Variants in IQCH observed in about 807,000 individuals in gnomAD.
IQCH encodes the protein IQ domain-containing protein H.
A neutral mutation model predicts 117.0 loss-of-function variants in IQCH; 98 were observed. That is an observed-to-expected ratio of 0.84 (90% CI 0.71 to 0.99). The LOEUF (loss-of-function observed/expected upper bound fraction) is 0.99. Ranked by LOEUF, IQCH falls within the 50% of genes least tolerant of loss-of-function variation. The pLI is 0.00. For synonymous variants in IQCH, 412 were observed against 448.2 expected (o/e 0.92, Z 1.02); for missense variants, 1,102 against 1,243.8 (o/e 0.89, Z 1.72).
Position 67,416,945 on chromosome 15 carries a change from G to C in IQCH, c.2112G>C (p.Val704=). ...RKKWAQEPAL[V]KISEELAGIL... ...TGTTTCTGCAGGAGCCAGCTTTGGT[G>C]AAGATCTCTGAGGAGCTGGCGGGCA... Residue 704 remains valine, a synonymous_variant, in exon 15 of 21, where the codon GTG becomes GTC. Coordinates refer to ENST00000335894, the MANE Select transcript of IQCH (RefSeq NM_001031715.3). The surrounding 1 kb of genome is among the most constrained non-coding windows in gnomAD (Gnocchi z 5.1). 1 of 1,599,890 alleles carries C rather than the reference G, an allele frequency of 6.3e-7. No homozygotes were observed. The highest frequency in any genetic ancestry group is 8.5e-7 in the Non-Finnish European group (1 of 1,173,970).
At chr15:67,402,830 G>A (rs1445153097) in intron 14 of IQCH, among the ~76,000 whole-genome samples, 2 of 152,212 alleles carry the variant, frequency 1.3e-5, no homozygotes, top group Non-Finnish European at 2.9e-5. Context: ...TTGGTATGTT[G>A]TAGGCAACAG....
intron 4 of IQCH, among the ~76,000 whole-genome samples, chr15:67,318,831 T>C (rs1967976040): frequency 6.6e-6 from 1 of 152,208 alleles, no homozygotes; most frequent in Non-Finnish European, 1.5e-5. Context: ...ACTTGGCTAA[T>C]GATTTAGGGG....
rs1596202625 is a variant in IQCH at position 67,334,529 on chromosome 15, T to G, written c.388-2446T>G. On this transcript the variant is annotated intron_variant, in intron 4 of 20. Coordinates refer to ENST00000335894, the MANE Select transcript of IQCH (RefSeq NM_001031715.3). ...CACCTGATATAATTTAGTGCTTTAT[T>G]TAAGATGCAATTTAAATGTCACTTA... Among the ~76,000 whole-genome samples the G allele has an allele frequency of 3.3e-5, 5 of 152,326 alleles. No homozygotes were observed. The East Asian group carries it at 9.6e-4, about 29-fold the overall frequency.
rs140241627 is a variant in IQCH, at chr15:67,254,917, C to T, written c.21C>T (p.Asn7=). 6.5e-4 allele frequency: 1,051 copies of T among 1,613,884 alleles called. 1 individual carries two copies. The highest frequency in any genetic ancestry group is 5.9e-4 in the Non-Finnish European group (695 of 1,179,838). Residue 7 remains asparagine, a synonymous_variant, in exon 1 of 21, where the codon AAC becomes AAT. Coordinates refer to ENST00000335894, the MANE Select transcript of IQCH (RefSeq NM_001031715.3). The part of the protein sequence containing the change: MAQNTE[N]HDPVGSILIQ... ...TAGCCATGGCACAGAACACTGAAAA[C>T]CACGACCCTGTCGGATCCATCTTAA...
chr15:67,357,841 A>T lies in IQCH; in HGVS notation c.714+420A>T, dbSNP rs112796476. ...ATACCTTAATGAAGCAGGGGAAAGAATTCTGTATTATCATTATTATTATTA... is the reference window on the plus strand; with the variant it reads ...ATACCTTAATGAAGCAGGGGAAAGATTTCTGTATTATCATTATTATTATTA... On this transcript the variant is annotated intron_variant, in intron 7 of 20. Coordinates refer to ENST00000335894, the MANE Select transcript of IQCH (RefSeq NM_001031715.3). 7.7e-5 allele frequency among the ~76,000 whole-genome samples: 11 copies of T among 142,816 alleles called. 2 individuals carry two copies. Among genetic ancestry groups the T allele is most frequent in the African/African-American group, 2.9e-4 (11 of 37,514 alleles). 93.7% of individuals were successfully genotyped at this position (142,816 alleles called of 152,430 possible).
At chr15:67,451,164 C>CA (rs1216163338) in intron 16 of IQCH, among the ~76,000 whole-genome samples, 5 of 152,016 alleles carry the variant, frequency 3.3e-5, no homozygotes, top group Non-Finnish European at 7.4e-5. Flanking sequence ...TTGATCTTTT[C>CA]AAAAAACCAG....
chr15:67,485,019 C>G (rs895935286), intron 18 of IQCH, among the ~76,000 whole-genome samples: 2 of 151,942 alleles, frequency 1.3e-5, no homozygotes, highest in African/African-American at 4.8e-5. Context: ...ATAACTCCAC[C>G]GATCCCAGCC....
rs2082910106 is a variant in IQCH at position 67,465,566 on chromosome 15, C to T, written c.2676+269C>T. ...TTTTCTAGGCAGGTACACCTACACCCATTGCCTCAACTACAAGCTGTTTCA... is the reference window on the plus strand; with the variant it reads ...TTTTCTAGGCAGGTACACCTACACCTATTGCCTCAACTACAAGCTGTTTCA... On this transcript the variant is annotated intron_variant, in intron 17 of 20. Coordinates refer to ENST00000335894, the MANE Select transcript of IQCH (RefSeq NM_001031715.3). The surrounding 1 kb of genome is among the most constrained non-coding windows in gnomAD (Gnocchi z 5.9). 6.6e-6 allele frequency among the ~76,000 whole-genome samples: 1 copy of T among 152,128 alleles called. No homozygotes were observed. Among genetic ancestry groups the T allele is most frequent in the Non-Finnish European group, 1.5e-5 (1 of 68,024 alleles).
intron 17 of IQCH, among the ~76,000 whole-genome samples, chr15:67,469,694 G>A (rs760951567): frequency 1.9e-4 from 29 of 152,258 alleles, no homozygotes; most frequent in Middle Eastern, 6.8e-3. Flanking sequence ...TTTACCAAAG[G>A]ACACAGAGCC....
chr15:67,412,126 T>C (rs543926881), intron 14 of IQCH, among the ~76,000 whole-genome samples: 1 of 152,362 alleles, frequency 6.6e-6, no homozygotes, highest in Admixed American at 6.5e-5. Context: ...AGCCGCTAAT[T>C]GCATTCCCAG....
chr15:67,465,156 T>G lies in IQCH; in HGVS notation c.2535T>G (p.Tyr845Ter), dbSNP rs764316081. The change falls in exon 17 of 21, where the codon TAT becomes TAG. Residue 845 changes from tyrosine to a stop codon, truncating the protein, a stop_gained. Coordinates refer to ENST00000335894, the MANE Select transcript of IQCH (RefSeq NM_001031715.3). LOFTEE classifies it high-confidence loss of function. This position sits in a 1 kb window ranked among gnomAD's most constrained non-coding sequence, Gnocchi z 5.9. ...GGGCAACCGGCCTTAACCTCGCATA[T>G]AGTGACCAGCTGGCCCTGACTCAAC... is the stretch of plus-strand genomic sequence containing the variant. ...QVWATGLNLAYSDQLALTQLT... is the reference protein window; with the variant it reads ...QVWATGLNLA 6.2e-7 allele frequency: 1 copy of G among 1,614,030 alleles called. No individual in the cohort carries two copies. Among genetic ancestry groups the G allele is most frequent in the African/African-American group, 1.3e-5 (1 of 74,908 alleles).
chr15:67,359,896 T>C lies in IQCH; in HGVS notation c.753+11T>C. 1 of 1,610,212 alleles carries C rather than the reference T, an allele frequency of 6.2e-7. No individual in the cohort carries two copies. The highest frequency in any genetic ancestry group is 8.5e-7 in the Non-Finnish European group (1 of 1,176,482). The stretch of plus-strand genomic sequence containing the variant: ...CATCATGATAGGAAGGTCTGTAATT[T>C]GTGTGACTAGTTGAAATTTAGGGTC... On this transcript the variant is annotated intron_variant, in intron 8 of 20. Transcript: ENST00000335894. The surrounding 1 kb of genome is among the most constrained non-coding windows in gnomAD (Gnocchi z 4.5).
At chr15:67,266,316 T>A (rs1965666238) in intron 3 of IQCH, among the ~76,000 whole-genome samples, 1 of 152,150 alleles carries the variant, frequency 6.6e-6, no homozygotes, top group Non-Finnish European at 1.5e-5. Context: ...GGTTGCTTAA[T>A]CTTGTTAATT....
Position 67,493,449 on chromosome 15 carries a change from A to G in IQCH, c.2862-809A>G, listed in dbSNP as rs1244945065. On this transcript the variant is annotated intron_variant, in intron 19 of 20. Coordinates refer to ENST00000335894, the MANE Select transcript of IQCH (RefSeq NM_001031715.3). The surrounding 1 kb of genome is among the most constrained non-coding windows in gnomAD (Gnocchi z 5.1). Reference sequence around the variant, plus strand: ...TCTTAAAGTGGATGTTCAGGTTTATAAAGACGGCTGTTCATGAACAGGGCA... The same window carrying G: ...TCTTAAAGTGGATGTTCAGGTTTATGAAGACGGCTGTTCATGAACAGGGCA... 6.6e-6 allele frequency among the ~76,000 whole-genome samples: 1 copy of G among 152,216 alleles called. No homozygotes were observed. Among genetic ancestry groups the G allele is most frequent in the Non-Finnish European group, 1.5e-5 (1 of 68,038 alleles).
intron 16 of IQCH, among the ~76,000 whole-genome samples, chr15:67,442,869 CAT>C (rs143452052): frequency 0.036 from 4,732 of 130,228 alleles, 231 homozygotes; most frequent in African/African-American, 0.12. Flanking sequence ...GATAGATATA[CAT>C]ATATATATAT....
chr15:67,484,128 A>G (rs959964236), intron 18 of IQCH, among the ~76,000 whole-genome samples: 13 of 152,182 alleles, frequency 8.5e-5, no homozygotes, highest in Admixed American at 2.6e-4. Flanking sequence ...TAGTCCAGGC[A>G]TAGTGGTTTA....
chr15:67,254,870 C>T lies in IQCH; in HGVS notation c.-27C>T, dbSNP rs1205163898. 5 of 1,610,984 alleles carry T rather than the reference C, an allele frequency of 3.1e-6. No homozygotes were observed. The highest frequency in any genetic ancestry group is 1.7e-5 in the Admixed American group (1 of 59,868). On this transcript the variant is annotated 5_prime_UTR_variant, in exon 1 of 21. Transcript: ENST00000335894. Reference sequence around the variant, plus strand: ...TCCGTGCTTGGAAACCGCGCCTCCGCGGAGGTAGCCGTTCCCTGACCTAGC... The same window carrying T: ...TCCGTGCTTGGAAACCGCGCCTCCGTGGAGGTAGCCGTTCCCTGACCTAGC...
At chr15:67,323,968 G>T (rs1968272121) in intron 4 of IQCH, among the ~76,000 whole-genome samples, 1 of 137,502 alleles carries the variant, frequency 7.3e-6, no homozygotes, top group Non-Finnish European at 1.5e-5. Context: ...TTTTGAGATG[G>T]AGTCTTGCTC....
rs536930179 is a variant in IQCH at position 67,408,798 on chromosome 15, T to C, written c.2098-8133T>C. On this transcript the variant is annotated intron_variant, in intron 14 of 20. Coordinates refer to ENST00000335894, the MANE Select transcript of IQCH (RefSeq NM_001031715.3). This position sits in a 1 kb window ranked among gnomAD's most constrained non-coding sequence, Gnocchi z 4.2. The stretch of plus-strand genomic sequence containing the variant: ...TCTCAACCAGCGATATTTCTCTAAC[T>C]GGAAAGAAAGACCCTATTACCAGTA... Among the ~76,000 whole-genome samples the C allele has an allele frequency of 6.6e-6, 1 of 152,314 alleles. No homozygotes were observed. The highest frequency in any genetic ancestry group is 6.5e-5 in the Admixed American group (1 of 15,298).
Sources: gnomAD v4.1 joint callset for allele counts (sites outside exome capture counted in the v4.1 genomes callset) on GRCh38, gnomAD v4.1.1 for gene constraint, Gnocchi (gnomAD v3.1) non-coding constraint, MANE v1.5 for transcripts, NCBI Gene and HGNC (gene_info 2026-07-23, HGNC 2026-07-21) for gene names.